The following GMDS variants were observed in gnomAD, a reference collection of about 807,000 sequenced individuals.
GMDS encodes the protein GDP-mannose 4,6 dehydratase.
A neutral mutation model predicts 49.9 loss-of-function variants in GMDS; 20 were observed. The ratio of observed to expected loss-of-function variants is 0.40; its 90% CI spans 0.28 to 0.58. The LOEUF is 0.58. Among genes scored for constraint, GMDS ranks in the 20% least tolerant of loss-of-function variants. GMDS has a pLI of 0.42. For missense variants in GMDS, 362 were observed against 481.4 expected, an observed-to-expected ratio of 0.75 and a Z score of 2.32; for synonymous variants, 177 against 178.6, an observed-to-expected ratio of 0.99 and a Z score of 0.07.
At chr6:2,058,906 C>T (rs1010570461) in intron 4 of GMDS, among the ~76,000 whole-genome samples, 1 of 151,978 alleles carries the variant, frequency 6.6e-6, no homozygotes, top group East Asian at 1.9e-4. Flanking sequence ...GTCATCAGGC[C>T]GGGTGGCACC....
chr6:2,126,443 A>G (rs1482978356), intron 1 of GMDS, among the ~76,000 whole-genome samples: 1 of 152,192 alleles, frequency 6.6e-6, no homozygotes, highest in Non-Finnish European at 1.5e-5. Flanking sequence ...AAAAAAAAAC[A>G]AAAAACCTTT....
At chr6:1,866,590 C>T (rs1281229110) in intron 7 of GMDS, among the ~76,000 whole-genome samples, 1 of 152,158 alleles carries the variant, frequency 6.6e-6, no homozygotes, top group Non-Finnish European at 1.5e-5. Context: ...AACAATTAAA[C>T]CTGCTGAGAC....
At position 1,768,044 on chromosome 6, in the gene GMDS, T is replaced by C. The variant is rs533715420; in HGVS notation, c.772-25458A>G. ...TAAAGGTAAAAAGTGGGTCTGGTGGTGTTAAAATAGGTATTTAGCCTGTAT... is the reference window on the plus strand; with the variant it reads ...TAAAGGTAAAAAGTGGGTCTGGTGGCGTTAAAATAGGTATTTAGCCTGTAT... On this transcript the variant is annotated intron_variant, in intron 7 of 10. Transcript: ENST00000380815. Among the ~76,000 whole-genome samples, 13 of 152,260 alleles carry C rather than the reference T, an allele frequency of 8.5e-5. 1 individual carries two copies. The East Asian group carries it at 2.3e-3, about 27-fold the overall frequency.
rs68171156 is a variant in GMDS, at chr6:2,243,843, CTTTTTTTTTTTTTTT to C, written c.102+1463_102+1477del. Reference sequence around the variant, plus strand: ...ATCTGGCCAATTTCAACTTCTCCTTCTTTTTTTTTTTTTTTTTTTTTTTTTTTTTTTTTGAGGCAG... The same window carrying C: ...ATCTGGCCAATTTCAACTTCTCCTTCTTTTTTTTTTTTTTTTTTGAGGCAG... On this transcript the variant is annotated intron_variant, in intron 1 of 10. Coordinates refer to ENST00000380815, the MANE Select transcript of GMDS (RefSeq NM_001500.4). Among the ~76,000 whole-genome samples the C allele has an allele frequency of 7.4e-3, 430 of 58,192 alleles. 2 individuals carry two copies. The highest frequency in any genetic ancestry group is 0.012 in the Non-Finnish European group (373 of 30,592). The allele number at this position is 58,192 out of a possible 152,430, so 38.2% of individuals were successfully genotyped here.
intron 1 of GMDS, among the ~76,000 whole-genome samples, chr6:2,183,248 G>A (rs1778635799): frequency 6.6e-6 from 1 of 152,156 alleles, no homozygotes; most frequent in South Asian, 2.1e-4. Context: ...AAATCTTCTA[G>A]ATAGGGATTC....
chr6:1,699,693 G>A (rs1765472982), intron 9 of GMDS, among the ~76,000 whole-genome samples: 1 of 141,056 alleles, frequency 7.1e-6, no homozygotes, highest in Non-Finnish European at 1.5e-5. Flanking sequence ...TTACCATTAG[G>A]GCTCCCTGGA....
intron 4 of GMDS, among the ~76,000 whole-genome samples, chr6:2,054,604 G>A (rs985549228): frequency 2.6e-5 from 4 of 152,066 alleles, no homozygotes; most frequent in Non-Finnish European, 5.9e-5. Flanking sequence ...TAGAGAAGAC[G>A]ATGCATAAAT....
intron 4 of GMDS, among the ~76,000 whole-genome samples, chr6:1,966,935 C>T (rs977042446): frequency 1.3e-5 from 2 of 152,180 alleles, no homozygotes; most frequent in South Asian, 2.1e-4. Context: ...ACTGCAGGAA[C>T]CTCTAACTAG....
At chr6:2,006,493 A>C (rs140706480) in intron 4 of GMDS, among the ~76,000 whole-genome samples, 89 of 152,266 alleles carry the variant, frequency 5.8e-4, no homozygotes, top group Non-Finnish European at 1.1e-3. Flanking sequence ...TCTGGCATGA[A>C]GGAAAAAGCG....
At chr6:2,162,874 T>C (rs1197143459) in intron 1 of GMDS, among the ~76,000 whole-genome samples, 3 of 152,128 alleles carry the variant, frequency 2.0e-5, no homozygotes, top group Non-Finnish European at 4.4e-5. Flanking sequence ...CTCTCCAAGC[T>C]CTGGGGCCAC....
rs190348957 is a variant in GMDS at position 2,004,638 on chromosome 6, G to C, written c.346-43672C>G. ...ATATTCTTACTGACAGAAGCCTTCT[G>C]AACTATCACTGAACTTAGCGGGTGA... On this transcript the variant is annotated intron_variant, in intron 4 of 10. Transcript: ENST00000380815. Among the ~76,000 whole-genome samples, 374 of 152,180 alleles carry C rather than the reference G, an allele frequency of 2.5e-3. 1 individual carries two copies. The highest frequency in any genetic ancestry group is 8.7e-3 in the African/African-American group (362 of 41,530).
intron 4 of GMDS, among the ~76,000 whole-genome samples, chr6:1,967,096 A>C (rs867425085): frequency 2.5e-4 from 38 of 151,964 alleles, no homozygotes; most frequent in Middle Eastern, 3.4e-3. Context: ...CACGCTGCTG[A>C]CCCCTCTGTA....
chr6:1,894,211 T>C (rs1008391584), intron 7 of GMDS, among the ~76,000 whole-genome samples: 3 of 152,222 alleles, frequency 2.0e-5, no homozygotes, highest in African/African-American at 7.2e-5. Flanking sequence ...AATGCTTTAA[T>C]TGATTGCAAT....
intron 7 of GMDS, among the ~76,000 whole-genome samples, chr6:1,745,523 C>T (rs1767453143): frequency 6.6e-6 from 1 of 152,164 alleles, no homozygotes; most frequent in South Asian, 2.1e-4. Context: ...ACTTTAAACA[C>T]CGGCCCGGGT....
intron 1 of GMDS, among the ~76,000 whole-genome samples, chr6:2,145,885 C>T (rs372782204): frequency 1.3e-5 from 2 of 152,106 alleles, no homozygotes; most frequent in African/African-American, 2.4e-5. Flanking sequence ...GGAGGATGTA[C>T]GTAAGTTATA....
chr6:2,108,254 G>A (rs937252180), intron 4 of GMDS, among the ~76,000 whole-genome samples: 2 of 152,062 alleles, frequency 1.3e-5, no homozygotes, highest in African/African-American at 2.4e-5. Context: ...GTATGAATAG[G>A]AACAAGCTGC....
chr6:2,018,406 T>C (rs551466613), intron 4 of GMDS, among the ~76,000 whole-genome samples: 6 of 152,288 alleles, frequency 3.9e-5, no homozygotes, highest in African/African-American at 1.2e-4. Context: ...ACACTGATGG[T>C]TGTTGAGCAA....
chr6:2,229,912 G>C (rs1021042134), intron 1 of GMDS, among the ~76,000 whole-genome samples: 1 of 152,164 alleles, frequency 6.6e-6, no homozygotes, highest in Non-Finnish European at 1.5e-5. Context: ...GCTTATTCCT[G>C]CCTAGAGCCC....
At chr6:1,817,731 G>A (rs1770729214) in intron 7 of GMDS, among the ~76,000 whole-genome samples, 2 of 152,164 alleles carry the variant, frequency 1.3e-5, no homozygotes, top group South Asian at 4.2e-4. Context: ...GCACCCCTTG[G>A]TTTGTGGGGA....
Sources: allele counts gnomAD v4.1 joint callset (sites outside exome capture counted in the v4.1 genomes callset), GRCh38; gene constraint gnomAD v4.1.1; transcripts MANE v1.5; gene names NCBI Gene and HGNC (gene_info 2026-07-23, HGNC 2026-07-21).